Variants in CDH13 observed in about 807,000 individuals in gnomAD.
CDH13 encodes the protein cadherin-13.
CDH13 carries 24 observed loss-of-function variants against 63.8 expected under a neutral mutation model. The observed-to-expected ratio is 0.38, with a 90% confidence interval of 0.27 to 0.53. The LOEUF (loss-of-function observed/expected upper bound fraction) is 0.53. CDH13 is among the 20% of genes least tolerant of loss of function. The probability of loss-of-function intolerance (pLI) is 0.85; values close to 1 mark genes in which losing one functional copy is unlikely to be tolerated. For synonymous variants in CDH13, 503 were observed against 355.3 expected (o/e 1.42, Z -4.67); for missense variants, 1,049 against 903.1 (o/e 1.16, Z -2.07).
chr16:83,712,023 T>TCTTC (rs1434779278), intron 10 of CDH13, among the ~76,000 whole-genome samples: 1 of 152,218 alleles, frequency 6.6e-6, no homozygotes, highest in Non-Finnish European at 1.5e-5. Flanking sequence ...TCTCCCTGTG[T>TCTTC]CCTCACAGAG....
At chr16:82,932,782 G>C (rs1173420845) in intron 2 of CDH13, among the ~76,000 whole-genome samples, 2 of 152,104 alleles carry the variant, frequency 1.3e-5, no homozygotes, top group Non-Finnish European at 2.9e-5. Flanking sequence ...AAAATAATTT[G>C]GTATGCTGAA....
chr16:82,946,582 G>A (rs775147697), intron 2 of CDH13, among the ~76,000 whole-genome samples: 18 of 152,040 alleles, frequency 1.2e-4, no homozygotes, highest in Admixed American at 3.3e-4. Context: ...TTAGCCTGGC[G>A]TGGTGGCCTG....
intron 4 of CDH13, among the ~76,000 whole-genome samples, chr16:83,151,809 A>G (rs1281938658): frequency 6.6e-6 from 1 of 152,194 alleles, no homozygotes; most frequent in Non-Finnish European, 1.5e-5. Context: ...CTAAAAATAC[A>G]AATTTAGCTG....
At chr16:83,453,040 C>T (rs2072925292) in intron 6 of CDH13, among the ~76,000 whole-genome samples, 1 of 152,094 alleles carries the variant, frequency 6.6e-6, no homozygotes, top group Non-Finnish European at 1.5e-5. Flanking sequence ...CTACTCAGCC[C>T]TAAAAAGGAA....
intron 2 of CDH13, among the ~76,000 whole-genome samples, chr16:83,025,693 G>A (rs1033488499): frequency 5.3e-5 from 8 of 152,268 alleles, no homozygotes; most frequent in South Asian, 2.1e-4. Flanking sequence ...ATTAGAAAAG[G>A]GCTTAGAAAC....
chr16:83,221,651 G>C lies in CDH13; in HGVS notation c.636+4154G>C, dbSNP rs184075099. 2.9e-3 allele frequency among the ~76,000 whole-genome samples: 434 copies of C among 150,798 alleles called. 4 individuals carry two copies. Among genetic ancestry groups the C allele is most frequent in the African/African-American group, 9.8e-3 (403 of 41,054 alleles). ...GACCATCTGTTAGGCGAGTGGGGGA[G>C]GAAGACGGTGGGGGGGCGGTTGGGA... is the stretch of plus-strand genomic sequence containing the variant. On this transcript the variant is annotated intron_variant, in intron 5 of 13. Coordinates refer to ENST00000567109, the MANE Select transcript of CDH13 (RefSeq NM_001257.5).
rs1458984690 is a variant in CDH13, at chr16:83,217,443, A to G, written c.582A>G (p.Thr194=). The change falls in exon 5 of 14, where the codon ACA becomes ACG. Residue 194 remains threonine (T), a synonymous_variant. Coordinates refer to ENST00000567109, the MANE Select transcript of CDH13 (RefSeq NM_001257.5). ...PKGIFRINEN[T]GSVSVTRTLD... ...GAATTTTCAGAATCAATGAGAACAC[A>G]GGGAGCGTCTCCGTGACACGGACCT... The G allele has an allele frequency of 1.2e-6, 2 of 1,613,838 alleles. No individual in the cohort carries two copies. The highest frequency in any genetic ancestry group is 2.7e-5 in the African/African-American group (2 of 74,934).
chr16:83,590,176 C>T (rs1437602953), intron 7 of CDH13, among the ~76,000 whole-genome samples: 4 of 152,126 alleles, frequency 2.6e-5, no homozygotes, highest in Non-Finnish European at 5.9e-5. Context: ...AGTCCTTGGT[C>T]AGATGGTAGC....
chr16:83,542,316 C>A (rs2075309448), intron 7 of CDH13, among the ~76,000 whole-genome samples: 1 of 152,176 alleles, frequency 6.6e-6, no homozygotes, highest in Non-Finnish European at 1.5e-5. Context: ...TAATGTGCAG[C>A]CAGGATTGCA....
chr16:82,809,152 C>G (rs1397215362), intron 1 of CDH13, among the ~76,000 whole-genome samples: 2 of 152,094 alleles, frequency 1.3e-5, no homozygotes, highest in African/African-American at 4.8e-5. Flanking sequence ...TAAAATTTCA[C>G]TCCTCCCCAA....
chr16:83,715,886 G>A (rs1908824466), intron 10 of CDH13, among the ~76,000 whole-genome samples: 1 of 152,144 alleles, frequency 6.6e-6, no homozygotes, highest in African/African-American at 2.4e-5. Flanking sequence ...GCCTTCCTGG[G>A]TGGGGAAAAA....
intron 2 of CDH13, among the ~76,000 whole-genome samples, chr16:82,881,085 CT>C (rs1597886793): frequency 6.6e-6 from 1 of 152,132 alleles, no homozygotes; most frequent in East Asian, 1.9e-4. Context: ...ATTTTCAGTG[CT>C]TTAGTATTGT....
rs140134710 is a variant in CDH13, at chr16:83,697,399, G to T, written c.1538+18938G>T. Among the ~76,000 whole-genome samples the T allele has an allele frequency of 2.9e-3, 448 of 152,328 alleles. 2 individuals carry two copies. Among genetic ancestry groups the T allele is most frequent in the Admixed American group, 5.5e-3 (84 of 15,302 alleles). Reference sequence around the variant, plus strand: ...TTGAAATGGCGTTGAGCACAGTGCGGAAGTGCTGTCCAGCGTCTCTGGGCA... The same window carrying T: ...TTGAAATGGCGTTGAGCACAGTGCGTAAGTGCTGTCCAGCGTCTCTGGGCA... On this transcript the variant is annotated intron_variant, in intron 10 of 13. Coordinates refer to ENST00000567109, the MANE Select transcript of CDH13 (RefSeq NM_001257.5).
intron 5 of CDH13, among the ~76,000 whole-genome samples, chr16:83,255,782 T>C (rs1003868376): frequency 1.3e-5 from 2 of 152,168 alleles, no homozygotes; most frequent in Non-Finnish European, 2.9e-5. Context: ...CTTTTCCTGA[T>C]TGAGCTGCTG....
intron 11 of CDH13, among the ~76,000 whole-genome samples, chr16:83,764,660 C>G (rs557172705): frequency 1.4e-4 from 21 of 150,636 alleles, no homozygotes; most frequent in Admixed American, 1.1e-3. Context: ...CTCTTGCATC[C>G]TGCCTGCCTT....
intron 4 of CDH13, among the ~76,000 whole-genome samples, chr16:83,142,049 A>G (rs946737665): frequency 6.6e-5 from 10 of 151,828 alleles, no homozygotes; most frequent in Non-Finnish European, 1.0e-4. Flanking sequence ...TGTGTATCCC[A>G]CTGTTTTGTT....
At chr16:82,920,666 G>C (rs2042126537) in intron 2 of CDH13, among the ~76,000 whole-genome samples, 1 of 152,118 alleles carries the variant, frequency 6.6e-6, no homozygotes, top group Non-Finnish European at 1.5e-5. Context: ...AGGGGTATTA[G>C]GATCCATTTT....
At chr16:82,894,199 C>A (rs895787890) in intron 2 of CDH13, among the ~76,000 whole-genome samples, 1 of 152,140 alleles carries the variant, frequency 6.6e-6, no homozygotes, top group Admixed American at 6.5e-5. Context: ...AAGCAATCCA[C>A]CTGTCTTGGC....
chr16:82,895,577 C>T (rs181512992), intron 2 of CDH13, among the ~76,000 whole-genome samples: 349 of 152,168 alleles, frequency 2.3e-3, no homozygotes, highest in African/African-American at 8.0e-3. Flanking sequence ...TAATATTATG[C>T]GCTGTATGGG....
Sources: gnomAD v4.1 joint callset for allele counts (sites outside exome capture counted in the v4.1 genomes callset) on GRCh38, gnomAD v4.1.1 for gene constraint, MANE v1.5 for transcripts, NCBI Gene and HGNC (gene_info 2026-07-23, HGNC 2026-07-21) for gene names.